The following WWC1 variants were observed in gnomAD, a reference collection of about 807,000 sequenced individuals.
The protein encoded by WWC1 is protein KIBRA.
A neutral mutation model predicts 138.4 loss-of-function variants in WWC1; 55 were observed. The observed-to-expected ratio is 0.40, with a 90% CI of 0.32 to 0.50. The LOEUF is 0.50. Ranked by LOEUF, WWC1 falls within the 20% of genes least tolerant of loss-of-function variation. The pLI, the probability that WWC1 is intolerant of heterozygous loss-of-function variation, is 0.72. For missense variants in WWC1, 1,226 were observed against 1,420.4 expected, an observed-to-expected ratio of 0.86 and a Z score of 2.20; for synonymous variants, 524 against 564.9, an observed-to-expected ratio of 0.93 and a Z score of 1.03.
chr5:168,378,562 T>C (rs35981880), intron 2 of WWC1, among the ~76,000 whole-genome samples: 121 of 152,356 alleles, frequency 7.9e-4, no homozygotes, highest in Middle Eastern at 6.8e-3. Context: ...ACTTTCTTTG[T>C]GATAATTTCC....
chr5:168,403,448 C>T (rs568929226), intron 5 of WWC1, among the ~76,000 whole-genome samples: 3 of 152,262 alleles, frequency 2.0e-5, no homozygotes, highest in Admixed American at 6.5e-5. Flanking sequence ...ATTCTGATGA[C>T]ACCAGCTAAG....
chr5:168,430,204 C>T lies in WWC1; in HGVS notation c.2068C>T (p.Gln690Ter), dbSNP rs1452215297. The change falls in exon 14 of 23, where the codon CAG becomes TAG. Residue 690 changes from glutamine (Q) to a stop codon, truncating the protein, a stop_gained. Coordinates refer to ENST00000265293, the MANE Select transcript of WWC1 (RefSeq NM_015238.3). LOFTEE classifies it high-confidence loss of function. ...IQLSNLSALL[Q>*]QQDQKVNIRV... ...GCTGAGTAACCTTTCTGCTCTGTTG[C>T]AGCAACAAGACCAGAAAGTGTGAGT... The T allele has an allele frequency of 6.2e-7, 1 of 1,613,776 alleles. No individual in the cohort carries two copies.
rs144344774 is a variant in WWC1, at chr5:168,408,607, C to T, written c.821C>T (p.Pro274Leu). 51 of 1,614,168 alleles carry T rather than the reference C, an allele frequency of 3.2e-5. No homozygotes were observed. The African/African-American group carries it at 5.1e-4, about 16-fold the overall frequency. Residue 274 changes from proline (P) to leucine (L), a missense_variant, in exon 7 of 23, where the codon CCG becomes CTG. Around this residue, in one of 3 missense-constraint regions of WWC1, gnomAD observed 1,016 missense variants for 1,153.9 expected, o/e 0.88. Coordinates refer to ENST00000265293, the MANE Select transcript of WWC1 (RefSeq NM_015238.3). ...SSLESSSFPL[P>L]KQYLDVSSQT... The stretch of plus-strand genomic sequence containing the variant: ...CTGGAGAGTTCGAGTTTCCCGCTAC[C>T]GAAACAGTACCTGGATGTGAGCTCC...
Position 168,298,913 on chromosome 5 carries a change from G to A in WWC1, c.119+6642G>A, listed in dbSNP as rs139515092. On this transcript the variant is annotated intron_variant, in intron 1 of 22. Coordinates refer to ENST00000265293, the MANE Select transcript of WWC1 (RefSeq NM_015238.3). The stretch of plus-strand genomic sequence containing the variant: ...AGCCTGGCCAACATGGTGAAACCAC[G>A]TCTCTACTAAAAATGCAAAATATTA... Among the ~76,000 whole-genome samples the A allele has an allele frequency of 5.9e-3, 898 of 152,152 alleles. 10 individuals carry two copies. Among genetic ancestry groups the A allele is most frequent in the African/African-American group, 0.02 (845 of 41,502 alleles).
chr5:168,455,397 C>A lies in WWC1; in HGVS notation c.2700C>A (p.Pro900=), dbSNP rs779197944. The change falls in exon 19 of 23, where the codon CCC becomes CCA. Residue 900 remains proline, a synonymous_variant. Coordinates refer to ENST00000265293, the MANE Select transcript of WWC1 (RefSeq NM_015238.3). ...ETNTETPAPS[P]TVVRPKDRRV... is the part of the protein sequence containing the mutation. ...ACACGGAGACCCCGGCCCCATCCCC[C>A]ACAGTGGTGCGACCTAAGGACCGGA... The A allele has an allele frequency of 1.2e-6, 2 of 1,607,330 alleles. No homozygotes were observed. Among genetic ancestry groups the A allele is most frequent in the South Asian group, 2.2e-5 (2 of 89,720 alleles).
intron 1 of WWC1, among the ~76,000 whole-genome samples, chr5:168,352,263 A>C (rs561409063): frequency 1.2e-4 from 19 of 152,306 alleles, no homozygotes; most frequent in African/African-American, 4.3e-4. Context: ...AATAATGTTT[A>C]CAAAGTGAGA....
In WWC1 at chr5:168,469,304, T is replaced by G; in HGVS notation, c.*287T>G. 2.4e-6 allele frequency: 1 copy of G among 414,868 alleles called. No homozygotes were observed. The highest frequency in any genetic ancestry group is 3.7e-5 in the South Asian group (1 of 26,988). 25.7% of individuals were successfully genotyped at this position (414,868 alleles called of 1,614,324 possible). ...GGAGTGTATTTTTGGGAAAGAAAAT[T>G]TAAATGAACTAAAGCAGTATTGAGT... On this transcript the variant is annotated 3_prime_UTR_variant, in exon 23 of 23. Coordinates refer to ENST00000265293, the MANE Select transcript of WWC1 (RefSeq NM_015238.3).
At chr5:168,328,743 G>A (rs963124755) in intron 1 of WWC1, among the ~76,000 whole-genome samples, 1 of 152,022 alleles carries the variant, frequency 6.6e-6, no homozygotes, top group African/African-American at 2.4e-5. Context: ...CACCATATTG[G>A]CCAGGCTGGT....
chr5:168,444,375 G>A, intron 16 of WWC1, 119 bp from the exon 17 acceptor site: 1 of 1,023,740 alleles, frequency 9.8e-7, no homozygotes, highest in Non-Finnish European at 1.4e-6. Context: ...TGACCACTCT[G>A]GTCTTTGGTT....
chr5:168,446,095 TG>T, intron 17 of WWC1, among the ~76,000 whole-genome samples: 1 of 151,282 alleles, frequency 6.6e-6, no homozygotes, highest in Non-Finnish European at 1.5e-5. Context: ...ACGGAGAAAG[TG>T]GATACTGGGT....
rs1387845574 is a variant in WWC1 at position 168,291,673 on chromosome 5, C to T, written c.-480C>T. 1 of 151,966 alleles carries T rather than the reference C, an allele frequency of 6.6e-6. No homozygotes were observed. Among genetic ancestry groups the T allele is most frequent in the Non-Finnish European group, 1.5e-5 (1 of 67,576 alleles). 9.4% of individuals were successfully genotyped at this position (151,966 alleles called of 1,614,324 possible). A position where few individuals can be genotyped will look rare whatever the true frequency, so the allele number is the denominator to read the frequency against. On this transcript the variant is annotated 5_prime_UTR_variant, in exon 1 of 23. Coordinates refer to ENST00000265293, the MANE Select transcript of WWC1 (RefSeq NM_015238.3). The stretch of plus-strand genomic sequence containing the variant: ...TCCGGGGCAGCGCGGTTACCTGCAC[C>T]GCCCGAGCCGCACCTGGCGGAGGCA...
chr5:168,343,379 A>T (rs981988638), intron 1 of WWC1, among the ~76,000 whole-genome samples: 1 of 152,160 alleles, frequency 6.6e-6, no homozygotes, highest in Non-Finnish European at 1.5e-5. Flanking sequence ...CATTTAATAG[A>T]TGAAGAAAAC....
intron 11 of WWC1, among the ~76,000 whole-genome samples, chr5:168,427,548 ATT>A (rs34177139): frequency 0.096 from 9,705 of 101,190 alleles, 275 homozygotes; most frequent in East Asian, 0.25. Flanking sequence ...CTTTTTTTTA[ATT>A]TTTTTTTTTT....
chr5:168,437,419 C>A (rs1754338896), intron 15 of WWC1, among the ~76,000 whole-genome samples: 2 of 152,174 alleles, frequency 1.3e-5, no homozygotes, highest in Non-Finnish European at 2.9e-5. Flanking sequence ...AACTATTTCT[C>A]TTTCTTGGTG....
In WWC1 at chr5:168,467,692, A is replaced by G. The variant is rs1159737243; in HGVS notation, c.3151-148A>G. ...CAAACAGATGATTTGAGCACTTCCCATTATCGTTCTGAATGAAGTGGATCC... is the reference window on the plus strand; with the variant it reads ...CAAACAGATGATTTGAGCACTTCCCGTTATCGTTCTGAATGAAGTGGATCC... On this transcript the variant is annotated intron_variant, in intron 21 of 22. Coordinates refer to ENST00000265293, the MANE Select transcript of WWC1 (RefSeq NM_015238.3). 5 of 1,176,840 alleles carry G rather than the reference A, an allele frequency of 4.2e-6. No homozygotes were observed. The East Asian group carries it at 7.8e-5, about 18-fold the overall frequency. 72.9% of individuals were successfully genotyped at this position (1,176,840 alleles called of 1,614,324 possible).
In WWC1 at chr5:168,468,975, G is replaced by A; in HGVS notation, c.3300G>A (p.Arg1100=). Residue 1100 remains arginine (R), a synonymous_variant, in exon 23 of 23, where the codon CGG becomes CGA. Coordinates refer to ENST00000265293, the MANE Select transcript of WWC1 (RefSeq NM_015238.3). ...GGGAGAAGATGGCATTTTTCACCCG[G>A]CCTCGGATGAATATCCCAGCTCTCT... ...SFREKMAFFT[R]PRMNIPALSA... is the part of the protein sequence containing the mutation. The A allele has an allele frequency of 6.2e-7, 1 of 1,614,210 alleles. No homozygotes were observed. The highest frequency in any genetic ancestry group is 8.5e-7 in the Non-Finnish European group (1 of 1,180,036).
chr5:168,372,201 G>A (rs1196412138), intron 2 of WWC1, among the ~76,000 whole-genome samples: 2 of 152,184 alleles, frequency 1.3e-5, no homozygotes, highest in East Asian at 3.9e-4. Context: ...CTGTGATGGA[G>A]GAATGACTTG....
chr5:168,397,497 G>C (rs1778989299), intron 3 of WWC1, among the ~76,000 whole-genome samples: 1 of 152,104 alleles, frequency 6.6e-6, no homozygotes, highest in South Asian at 2.1e-4. Context: ...CACATAATGA[G>C]TTTCAACATT....
chr5:168,404,304 C>T (rs989118254), intron 5 of WWC1, among the ~76,000 whole-genome samples: 1 of 152,222 alleles, frequency 6.6e-6, no homozygotes. Flanking sequence ...TGGGGAGCCT[C>T]CTTGCCACGG....
Sources: gnomAD v4.1 joint callset for allele counts (sites outside exome capture counted in the v4.1 genomes callset) on GRCh38, gnomAD v4.1.1 for gene constraint, gnomAD v4.1.1 regional missense constraint, MANE v1.5 for transcripts, NCBI Gene and HGNC (gene_info 2026-07-23, HGNC 2026-07-21) for gene names.